Variants in MYH9 observed in about 807,000 individuals in gnomAD.
MYH9 encodes myosin heavy chain 9.
MYH9 carries 29 observed loss-of-function variants against 241.9 expected under a neutral mutation model. The observed-to-expected ratio is 0.12, with a 90% CI of 0.09 to 0.16. The LOEUF is 0.16. Ranked by LOEUF, MYH9 falls within the 10% of genes least tolerant of loss-of-function variation. The probability of loss-of-function intolerance (pLI) is 1.00; values close to 1 mark genes in which losing one functional copy is unlikely to be tolerated. For synonymous variants in MYH9, 1,047 were observed against 1,062.6 expected, an observed-to-expected ratio of 0.99 and a Z score of 0.29; for missense variants, 1,803 against 2,595.5, an observed-to-expected ratio of 0.69 and a Z score of 6.63.
chr22:36,373,357 T>G (rs77149271), intron 1 of MYH9, among the ~76,000 whole-genome samples: 14,391 of 152,152 alleles, frequency 0.095, 719 homozygotes, highest in Middle Eastern at 0.11. Context: ...CCTTGGAGAC[T>G]TCTTCTCTCC....
rs772722258 is a variant in MYH9, at chr22:36,302,686, G to A, written c.2391-10C>T. On this transcript the variant is annotated splice_polypyrimidine_tract_variant and intron_variant, in intron 19 of 40. Transcript: ENST00000216181. ...CCGCTTGGCAAATGCTCTGTGTGGT[G>A]AGGAACATGGTCAGCGCGGAGCAGT... 2 of 1,611,504 alleles carry A rather than the reference G, an allele frequency of 1.2e-6. No homozygotes were observed. The highest frequency in any genetic ancestry group is 1.7e-5 in the Admixed American group (1 of 59,990).
intron 35 of MYH9, chr22:36,286,161 G>A: frequency 3.2e-6 from 2 of 626,078 alleles, no homozygotes; most frequent in Non-Finnish European, 5.7e-6. Flanking sequence ...TTACATTTAA[G>A]TGCTAGGAAT....
At chr22:36,385,550 C>T (rs2018338870) in intron 1 of MYH9, among the ~76,000 whole-genome samples, 1 of 152,122 alleles carries the variant, frequency 6.6e-6, no homozygotes, top group Non-Finnish European at 1.5e-5. Context: ...ATCTCCAACC[C>T]CTTAGGTTAA....
rs770243448 is a variant in MYH9, at chr22:36,301,597, C to T, written c.2568G>A (p.Lys856=). The T allele has an allele frequency of 1.2e-5, 20 of 1,613,930 alleles. No individual in the cohort carries two copies. The highest frequency in any genetic ancestry group is 1.7e-5 in the Non-Finnish European group (20 of 1,180,056). ...CCGCAGCCAGCTGCTTCTCTCTGAC[C>T]TTCACCAGCTCCTCCTCCTTGGCCA... ...EMMAKEEELV[K]VREKQLAAEN... The change falls in exon 21 of 41, where the codon AAG becomes AAA. Residue 856 remains lysine (K), a synonymous_variant. Coordinates refer to ENST00000216181, the MANE Select transcript of MYH9 (RefSeq NM_002473.6).
chr22:36,337,296 C>A (rs76239443), intron 3 of MYH9, among the ~76,000 whole-genome samples: 1 of 152,144 alleles, frequency 6.6e-6, no homozygotes, highest in Non-Finnish European at 1.5e-5. Flanking sequence ...AGATCCCCCA[C>A]CCCCAACAGA....
At position 36,306,301 on chromosome 22, in the gene MYH9, A is replaced by C. The variant is rs989176008; in HGVS notation, c.2037+113T>G. 5 of 1,411,144 alleles carry C rather than the reference A, an allele frequency of 3.5e-6. No individual in the cohort carries two copies. The Admixed American group carries it at 7.7e-5, about 22-fold the overall frequency. The allele number at this position is 1,411,144 out of a possible 1,614,324, so 87.4% of individuals were successfully genotyped here. On this transcript the variant is annotated intron_variant, in intron 16 of 40. Coordinates refer to ENST00000216181, the MANE Select transcript of MYH9 (RefSeq NM_002473.6). This position sits in a 1 kb window ranked among gnomAD's most constrained non-coding sequence, Gnocchi z 4.1. ...GCCCACCCTGCAGAGAAACGACTGA[A>C]GGCTCTGTGCATGCTGGGGGGCTGG...
At position 36,282,564 on chromosome 22, in the gene MYH9, T is replaced by C. The variant is rs2016509130; in HGVS notation, c.*104A>G. ...GGGCGGAGGGCAGGAGGAGGCATGTTCACAGCAGTCCCAAGAAGGTGGGGA... is the reference window on the plus strand; with the variant it reads ...GGGCGGAGGGCAGGAGGAGGCATGTCCACAGCAGTCCCAAGAAGGTGGGGA... On this transcript the variant is annotated 3_prime_UTR_variant, in exon 41 of 41. Transcript: ENST00000216181. The C allele has an allele frequency of 9.2e-7, 1 of 1,082,408 alleles. No individual in the cohort carries two copies. The highest frequency in any genetic ancestry group is 1.4e-6 in the Non-Finnish European group (1 of 704,790). 67.1% of individuals were successfully genotyped at this position (1,082,408 alleles called of 1,614,324 possible).
chr22:36,296,378 T>A (rs1272459559), intron 25 of MYH9, among the ~76,000 whole-genome samples: 1 of 152,042 alleles, frequency 6.6e-6, no homozygotes, highest in African/African-American at 2.4e-5. Context: ...GAGATTACAG[T>A]CGTGTGCCAC....
At chr22:36,364,467 TC>T (rs1296124160) in intron 1 of MYH9, among the ~76,000 whole-genome samples, 3 of 152,172 alleles carry the variant, frequency 2.0e-5, no homozygotes, top group Non-Finnish European at 4.4e-5. Context: ...TCATCTTCTA[TC>T]TTATTGTCCA....
At chr22:36,325,511 G>C (rs984990315) in intron 5 of MYH9, among the ~76,000 whole-genome samples, 1 of 152,170 alleles carries the variant, frequency 6.6e-6, no homozygotes, top group African/African-American at 2.4e-5. Context: ...GCTTGAGAGA[G>C]AGCATCCCAC....
chr22:36,290,006 G>T (rs1038670278), intron 31 of MYH9, among the ~76,000 whole-genome samples: 2 of 152,094 alleles, frequency 1.3e-5, no homozygotes, highest in African/African-American at 4.8e-5. Flanking sequence ...GGCCGGATCC[G>T]GCTACCACAG....
At chr22:36,349,877 T>C (rs1015960493) in intron 1 of MYH9, among the ~76,000 whole-genome samples, 1 of 152,188 alleles carries the variant, frequency 6.6e-6, no homozygotes, top group Non-Finnish European at 1.5e-5. Flanking sequence ...GGTAGCAAAG[T>C]AGCCACACAG....
intron 1 of MYH9, among the ~76,000 whole-genome samples, chr22:36,384,008 C>T (rs1486143860): frequency 6.0e-5 from 9 of 150,016 alleles, no homozygotes; most frequent in Middle Eastern, 3.6e-3. Flanking sequence ...TGGTGGCTCA[C>T]GCCTGTAATC....
intron 27 of MYH9, 110 bp from the exon 28 acceptor site, chr22:36,294,408 G>A (rs1299367914): frequency 8.3e-6 from 10 of 1,204,680 alleles, no homozygotes; most frequent in Non-Finnish European, 1.1e-5. Flanking sequence ...CAGCCCTGAC[G>A]ACGGTGTGCC....
chr22:36,287,345 G>A (rs2016602755), intron 34 of MYH9, among the ~76,000 whole-genome samples: 1 of 152,036 alleles, frequency 6.6e-6, no homozygotes, highest in East Asian at 1.9e-4. Context: ...TGTGCAGCCC[G>A]ACCACACCAG....
At position 36,282,069 on chromosome 22, in the gene MYH9, C is replaced by T. The variant is rs1180953362; in HGVS notation, c.*599G>A. ...CTGGGACAGGGTGGGGAGGAATCCA[C>T]TCCTCCCCCCACCCCAGCCTTCTGT... is the stretch of plus-strand genomic sequence containing the variant. On this transcript the variant is annotated 3_prime_UTR_variant, in exon 41 of 41. Coordinates refer to ENST00000216181, the MANE Select transcript of MYH9 (RefSeq NM_002473.6). 4 of 237,122 alleles carry T rather than the reference C, an allele frequency of 1.7e-5. No homozygotes were observed. Among genetic ancestry groups the T allele is most frequent in the Admixed American group, 1.1e-4 (2 of 18,930 alleles). 14.7% of individuals were successfully genotyped at this position (237,122 alleles called of 1,614,324 possible). A position where few individuals can be genotyped will look rare whatever the true frequency, so the allele number is the denominator to read the frequency against.
Position 36,284,183 on chromosome 22 carries a change from G to A in MYH9, c.5675C>T (p.Ser1892Phe), listed in dbSNP as rs1450702017. The A allele has an allele frequency of 6.2e-7, 1 of 1,613,800 alleles. No individual in the cohort carries two copies. Among genetic ancestry groups the A allele is most frequent in the Non-Finnish European group, 8.5e-7 (1 of 1,179,964 alleles). Residue 1892 changes from serine to phenylalanine, a missense_variant, in exon 40 of 41, where the codon TCC becomes TTC. Physicochemically the swap from Ser to Phe is radical, Grantham distance 155. Transcript: ENST00000216181. ...AEEEAQRANA[S>F]RRKLQRELED... is the part of the protein sequence containing the mutation. Reference sequence around the variant, plus strand: ...CAGCTCGCGCTGCAGTTTCCGGCGGGAGGCGTTGGCCCGCTGGGCCTCCTC... The same window carrying A: ...CAGCTCGCGCTGCAGTTTCCGGCGGAAGGCGTTGGCCCGCTGGGCCTCCTC...
chr22:36,377,778 C>T (rs572354165), intron 1 of MYH9, among the ~76,000 whole-genome samples: 7 of 152,114 alleles, frequency 4.6e-5, no homozygotes, highest in South Asian at 2.1e-4. Context: ...GGCACGGTGG[C>T]GGGCACCTTG....
chr22:36,327,431 G>A (rs770292870), intron 4 of MYH9, 30 bp downstream of exon 4: 14 of 1,613,478 alleles, frequency 8.7e-6, no homozygotes, highest in African/African-American at 5.3e-5. Context: ...GGGGTGAAAC[G>A]AACCACTACC....
Sources: allele counts gnomAD v4.1 joint callset (sites outside exome capture counted in the v4.1 genomes callset), GRCh38; gene constraint gnomAD v4.1.1; non-coding constraint Gnocchi (gnomAD v3.1); transcripts MANE v1.5; gene names NCBI Gene and HGNC (gene_info 2026-07-23, HGNC 2026-07-21).